The following SPAG6 variants were observed in gnomAD, a reference collection of about 807,000 sequenced individuals.
SPAG6 encodes sperm associated antigen 6.
A neutral mutation model predicts 58.5 loss-of-function variants in SPAG6; 49 were observed. The observed-to-expected ratio is 0.84, with a 90% CI of 0.67 to 1.06. The LOEUF (loss-of-function observed/expected upper bound fraction) is 1.06. Among genes scored for constraint, SPAG6 ranks in the 50% least tolerant of loss-of-function variants. The pLI is 0.00. For synonymous variants in SPAG6, 233 were observed against 225.6 expected, an observed-to-expected ratio of 1.03 and a Z score of -0.29; for missense variants, 560 against 611.3, an observed-to-expected ratio of 0.92 and a Z score of 0.89.
intron 3 of SPAG6, among the ~76,000 whole-genome samples, chr10:22,366,364 A>T (rs1303674816): frequency 6.6e-6 from 1 of 152,210 alleles, no homozygotes; most frequent in Non-Finnish European, 1.5e-5. Flanking sequence ...ATGTAAATCC[A>T]TAGAGACAGA....
intron 2 of SPAG6, among the ~76,000 whole-genome samples, chr10:22,358,536 G>A (rs1836936893): frequency 6.6e-6 from 1 of 151,990 alleles, no homozygotes; most frequent in Non-Finnish European, 1.5e-5. Flanking sequence ...TAGGTTGCCT[G>A]TTCACTCTGA....
In SPAG6 at chr10:22,387,803, GT is replaced by G. The variant is rs199626751; in HGVS notation, c.679-10del. On this transcript the variant is annotated intron_variant, in intron 5 of 10. Coordinates refer to ENST00000376624, the MANE Select transcript of SPAG6 (RefSeq NM_012443.4). Reference sequence around the variant, plus strand: ...TGCTATATAGTGTTTTGTTGTTGTTGTTTTTTTTTTGCTTCACAGCATCAGA... The same window carrying G: ...TGCTATATAGTGTTTTGTTGTTGTTGTTTTTTTTTGCTTCACAGCATCAGA... 1,004 of 1,342,148 alleles carry G rather than the reference GT, an allele frequency of 7.5e-4. No individual in the cohort carries two copies. Among genetic ancestry groups the G allele is most frequent in the South Asian group, 2.1e-3 (146 of 69,614 alleles). The allele number at this position is 1,342,148 out of a possible 1,614,324, so 83.1% of individuals were successfully genotyped here. A position where few individuals can be genotyped will look rare whatever the true frequency, so the allele number is the denominator to read the frequency against.
chr10:22,389,945 A>G (rs2132085594), intron 7 of SPAG6, among the ~76,000 whole-genome samples: 1 of 152,270 alleles, frequency 6.6e-6, no homozygotes, highest in East Asian at 1.9e-4. Flanking sequence ...GCTAATGAAT[A>G]AATATTGATC....
At chr10:22,410,774 A>T (rs1374367300) in intron 9 of SPAG6, among the ~76,000 whole-genome samples, 1 of 152,186 alleles carries the variant, frequency 6.6e-6, no homozygotes, top group East Asian at 1.9e-4. Flanking sequence ...TGTAAGCTTT[A>T]TATTTTACAT....
At chr10:22,375,697 G>T (rs559213515) in intron 4 of SPAG6, among the ~76,000 whole-genome samples, 22 of 150,734 alleles carry the variant, frequency 1.5e-4, no homozygotes, top group African/African-American at 4.9e-4. Flanking sequence ...TCCTGCCTCA[G>T]ACTCCCAAGT....
chr10:22,385,714 A>G (rs966185532), intron 4 of SPAG6, among the ~76,000 whole-genome samples: 3 of 152,204 alleles, frequency 2.0e-5, no homozygotes, highest in South Asian at 2.1e-4. Flanking sequence ...GATATTACCA[A>G]TACTTTGAAA....
At chr10:22,402,197 T>C (rs1006995438) in intron 9 of SPAG6, among the ~76,000 whole-genome samples, 1 of 152,124 alleles carries the variant, frequency 6.6e-6, no homozygotes, top group African/African-American at 2.4e-5. Context: ...CCCAGGCACA[T>C]ATTAAGCACG....
At chr10:22,401,707 G>A (rs548476523) in intron 9 of SPAG6, among the ~76,000 whole-genome samples, 37 of 152,296 alleles carry the variant, frequency 2.4e-4, no homozygotes, top group African/African-American at 8.9e-4. Context: ...CAGTCATTTG[G>A]AGCATATCGA....
intron 9 of SPAG6, among the ~76,000 whole-genome samples, chr10:22,410,236 G>A (rs764144762): frequency 1.3e-5 from 2 of 152,078 alleles, no homozygotes; most frequent in Non-Finnish European, 2.9e-5. Context: ...TTAAACATTT[G>A]TTGAACCTCT....
chr10:22,369,299 T>C (rs1209264927), intron 4 of SPAG6, among the ~76,000 whole-genome samples: 1 of 152,166 alleles, frequency 6.6e-6, no homozygotes, highest in Admixed American at 6.5e-5. Context: ...TGTGAGAGGA[T>C]TGTGTTGACT....
intron 4 of SPAG6, among the ~76,000 whole-genome samples, chr10:22,370,575 A>G (rs1173104378): frequency 1.6e-4 from 24 of 152,214 alleles, no homozygotes. Context: ...AGGCTTTCCT[A>G]TGGTTATATT....
At chr10:22,373,801 A>G (rs796452039) in intron 4 of SPAG6, among the ~76,000 whole-genome samples, 5 of 152,266 alleles carry the variant, frequency 3.3e-5, no homozygotes, top group African/African-American at 1.2e-4. Context: ...GGGATAACAT[A>G]TATTATATAT....
In SPAG6 at chr10:22,391,730, G is replaced by T; in HGVS notation, c.1007G>T (p.Gly336Val). 1.2e-6 allele frequency: 2 copies of T among 1,613,210 alleles called. No individual in the cohort carries two copies. Among genetic ancestry groups the T allele is most frequent in the Non-Finnish European group, 1.7e-6 (2 of 1,179,542 alleles). Reference sequence around the variant, plus strand: ...TTGCTCTTTTGATCCACGCTGCAGGGTGTACCCCAGTTGTCAGTCTGCTTG... The same window carrying T: ...TTGCTCTTTTGATCCACGCTGCAGGTTGTACCCCAGTTGTCAGTCTGCTTG... ...NLAMAVIISK[G>V]VPQLSVCLSE... Residue 336 changes from glycine to valine, a missense_variant and splice_region_variant, in exon 8 of 11, where the codon GGT becomes GTT. Coordinates refer to ENST00000376624, the MANE Select transcript of SPAG6 (RefSeq NM_012443.4).
At position 22,345,789 on chromosome 10, in the gene SPAG6, C is replaced by G. The variant is rs1266781542; in HGVS notation, c.92C>G (p.Pro31Arg). The stretch of plus-strand genomic sequence containing the variant: ...ATGGTGGCGGAGCTGGCGACTAGAC[C>G]CCAAAACATCGAGACGCTGCAGAAC... Reference protein sequence around the residue: ...VQMVAELATRPQNIETLQNAG... With the variant: ...VQMVAELATRRQNIETLQNAG... The change falls in exon 2 of 11, where the codon CCC becomes CGC. Residue 31 changes from proline (P) to arginine (R), a missense_variant. Physicochemically the swap from Pro to Arg is moderately radical, Grantham distance 103. Transcript: ENST00000376624. The surrounding 1 kb of genome is among the most constrained non-coding windows in gnomAD (Gnocchi z 6.3). 6.2e-7 allele frequency: 1 copy of G among 1,613,562 alleles called. No homozygotes were observed. The highest frequency in any genetic ancestry group is 1.3e-5 in the African/African-American group (1 of 74,882).
chr10:22,405,086 G>A (rs1352932363), intron 9 of SPAG6, among the ~76,000 whole-genome samples: 1 of 152,128 alleles, frequency 6.6e-6, no homozygotes, highest in African/African-American at 2.4e-5. Context: ...CTGCAAACAG[G>A]GACAGTTTGA....
chr10:22,407,668 A>G (rs1474420007), intron 9 of SPAG6, among the ~76,000 whole-genome samples: 3 of 151,940 alleles, frequency 2.0e-5, no homozygotes, highest in Non-Finnish European at 4.4e-5. Flanking sequence ...GTATTTCCTG[A>G]ATCTCAATGT....
intron 9 of SPAG6, among the ~76,000 whole-genome samples, chr10:22,402,043 C>A (rs1434183896): frequency 6.6e-6 from 1 of 152,150 alleles, no homozygotes; most frequent in Non-Finnish European, 1.5e-5. Flanking sequence ...TTCCCACTTA[C>A]CAGCTCTGTA....
intron 8 of SPAG6, among the ~76,000 whole-genome samples, chr10:22,396,216 C>G (rs1436409067): frequency 6.6e-6 from 1 of 152,124 alleles, no homozygotes; most frequent in East Asian, 1.9e-4. Context: ...GAATTGTACT[C>G]CCATAATTCC....
intron 8 of SPAG6, among the ~76,000 whole-genome samples, chr10:22,395,450 G>A (rs1359696182): frequency 1.3e-5 from 2 of 152,106 alleles, no homozygotes; most frequent in Non-Finnish European, 2.9e-5. Flanking sequence ...ATCTCATTGT[G>A]GTTTTGGTTT....
Sources: allele counts gnomAD v4.1 joint callset (sites outside exome capture counted in the v4.1 genomes callset), GRCh38; gene constraint gnomAD v4.1.1; non-coding constraint Gnocchi (gnomAD v3.1); transcripts MANE v1.5; gene names NCBI Gene and HGNC (gene_info 2026-07-23, HGNC 2026-07-21).